Variants in C2orf72 observed in about 807,000 individuals in gnomAD.
C2orf72 encodes the protein uncharacterized protein C2orf72.
In C2orf72, 16 loss-of-function variants were observed where a neutral mutation model predicts 14.4. That is an observed-to-expected ratio of 1.11 (90% confidence interval 0.75 to 1.69). The LOEUF (loss-of-function observed/expected upper bound fraction) is 1.69. Among genes scored for constraint, C2orf72 ranks in the 40% most tolerant of loss-of-function variants. The probability of loss-of-function intolerance (pLI) is 0.00; values close to 1 mark genes in which losing one functional copy is unlikely to be tolerated. For missense variants in C2orf72, 371 were observed against 358.3 expected (o/e 1.04, Z -0.29); for synonymous variants, 168 against 176.8 (o/e 0.95, Z 0.40).
At chr2:231,039,784 C>T (rs1693316782) in intron 1 of C2orf72, among the ~76,000 whole-genome samples, 1 of 151,852 alleles carries the variant, frequency 6.6e-6, no homozygotes, top group East Asian at 1.9e-4. Context: ...TCTTTGTTGC[C>T]CAGGCTGGAG....
chr2:231,043,676 T>C (rs1018530012), intron 2 of C2orf72, among the ~76,000 whole-genome samples: 1 of 152,232 alleles, frequency 6.6e-6, no homozygotes, highest in Admixed American at 6.5e-5. Flanking sequence ...TCATTAACCA[T>C]TTTACATAAA....
intron 2 of C2orf72, among the ~76,000 whole-genome samples, chr2:231,046,673 T>A (rs1013352372): frequency 2.0e-5 from 3 of 152,242 alleles, no homozygotes; most frequent in Non-Finnish European, 2.9e-5. Context: ...GCAGTTCCAC[T>A]AATTATTCCT....
intron 1 of C2orf72, among the ~76,000 whole-genome samples, chr2:231,040,379 A>G (rs1266951368): frequency 6.6e-6 from 1 of 152,224 alleles, no homozygotes; most frequent in Non-Finnish European, 1.5e-5. Flanking sequence ...CCTTTTAAAT[A>G]AACACTAATA....
At chr2:231,046,265 G>A (rs1200152647) in intron 2 of C2orf72, among the ~76,000 whole-genome samples, 1 of 149,484 alleles carries the variant, frequency 6.7e-6, no homozygotes, top group Admixed American at 6.6e-5. Context: ...GATCTTATTC[G>A]GATTTCCCCA....
At chr2:231,039,879 A>T (rs1693317745) in intron 1 of C2orf72, among the ~76,000 whole-genome samples, 1 of 151,946 alleles carries the variant, frequency 6.6e-6, no homozygotes, top group African/African-American at 2.4e-5. Context: ...AGTAGCTAGG[A>T]CTACAGGCGT....
chr2:231,047,182 G>A lies in C2orf72; in HGVS notation c.*161G>A, dbSNP rs781394193. The A allele has an allele frequency of 1.1e-6, 1 of 873,882 alleles. No homozygotes were observed. Among genetic ancestry groups the A allele is most frequent in the South Asian group, 1.4e-5 (1 of 70,104 alleles). 54.1% of individuals were successfully genotyped at this position (873,882 alleles called of 1,614,324 possible). A position where few individuals can be genotyped will look rare whatever the true frequency, so the allele number is the denominator to read the frequency against. ...TAGACAGTGGGGCTTACTAAGACAA[G>A]CAGGACCTAAAACAGTGTCTCCCCT... On this transcript the variant is annotated 3_prime_UTR_variant, in exon 3 of 3. Coordinates refer to ENST00000373640, the MANE Select transcript of C2orf72 (RefSeq NM_001144994.2).
chr2:231,039,589 C>T (rs1030919659), intron 1 of C2orf72, among the ~76,000 whole-genome samples: 10 of 152,128 alleles, frequency 6.6e-5, no homozygotes, highest in East Asian at 1.9e-4. Flanking sequence ...CCTGCCTGGG[C>T]GAGCGCGCCT....
chr2:231,041,261 G>A (rs569023505), intron 1 of C2orf72, 35 bp from the exon 2 acceptor site: 2 of 1,465,088 alleles, frequency 1.4e-6, no homozygotes, highest in African/African-American at 2.8e-5. Context: ...TGGGAACCAT[G>A]TGACCCTCTG....
Position 231,037,613 on chromosome 2 carries a change from C to G in C2orf72, c.48C>G (p.Ala16=), listed in dbSNP as rs914419824. Residue 16 remains alanine (A), a synonymous_variant, in exon 1 of 3, where the codon GCC becomes GCG. Transcript: ENST00000373640. The part of the protein sequence containing the change: ...EALAARLARP[A]EPPFQALVEA... ...TGGCGGCCCGGCTTGCGCGCCCTGCCGAGCCGCCCTTCCAGGCGTTGGTGG... is the reference window on the plus strand; with the variant it reads ...TGGCGGCCCGGCTTGCGCGCCCTGCGGAGCCGCCCTTCCAGGCGTTGGTGG... The G allele has an allele frequency of 1.7e-5, 19 of 1,098,886 alleles. No individual in the cohort carries two copies. Among genetic ancestry groups the G allele is most frequent in the Non-Finnish European group, 2.0e-5 (18 of 900,502 alleles). The allele number at this position is 1,098,886 out of a possible 1,614,324, so 68.1% of individuals were successfully genotyped here.
chr2:231,039,254 C>T (rs187943473), intron 1 of C2orf72, among the ~76,000 whole-genome samples: 1 of 147,292 alleles, frequency 6.8e-6, no homozygotes, highest in Non-Finnish European at 1.5e-5. Context: ...AGCACACTAA[C>T]ATGGCATATG....
chr2:231,041,531 G>T lies in C2orf72; in HGVS notation c.748+122G>T, dbSNP rs1160906707. The T allele has an allele frequency of 1.2e-5, 8 of 693,556 alleles. No individual in the cohort carries two copies. The African/African-American group carries it at 1.3e-4, about 11-fold the overall frequency. The allele number at this position is 693,556 out of a possible 1,614,324, so 43.0% of individuals were successfully genotyped here. On this transcript the variant is annotated intron_variant, in intron 2 of 2. Transcript: ENST00000373640. ...AACATCTATGGAGTGCTTGCCATGTGCCAGGTGTGGGGATGAGCAATGTGA... is the reference window on the plus strand; with the variant it reads ...AACATCTATGGAGTGCTTGCCATGTTCCAGGTGTGGGGATGAGCAATGTGA...
rs1240626112 is a variant in C2orf72, at chr2:231,041,359, G to A, written c.698G>A (p.Trp233Ter). The change falls in exon 2 of 3, where the codon TGG (tryptophan) becomes TAG (stop). Residue 233 changes from tryptophan (W) to a stop codon, truncating the protein, a stop_gained. Coordinates refer to ENST00000373640, the MANE Select transcript of C2orf72 (RefSeq NM_001144994.2). LOFTEE classifies it low-confidence loss of function (END_TRUNC). ...GLLACFSWGP[W>*]SRRKNQDVAA... Reference sequence around the variant, plus strand: ...CTAGCCTGCTTTTCCTGGGGTCCCTGGAGCCGGAGGAAGAACCAGGATGTT... The same window carrying A: ...CTAGCCTGCTTTTCCTGGGGTCCCTAGAGCCGGAGGAAGAACCAGGATGTT... 1.3e-6 allele frequency: 2 copies of A among 1,551,450 alleles called. No individual in the cohort carries two copies. The highest frequency in any genetic ancestry group is 2.0e-5 in the Admixed American group (1 of 50,974).
rs1169873638 is a variant in C2orf72 at position 231,049,647 on chromosome 2, C to T, written c.*2626C>T. ...TAATATGGCAGTGGTTGTGGCACTT[C>T]TGACTTGAATTGATAATTCTCATAT... On this transcript the variant is annotated 3_prime_UTR_variant, in exon 3 of 3. Coordinates refer to ENST00000373640, the MANE Select transcript of C2orf72 (RefSeq NM_001144994.2). The T allele has an allele frequency of 6.6e-6, 1 of 152,216 alleles. No individual in the cohort carries two copies. The highest frequency in any genetic ancestry group is 1.5e-5 in the Non-Finnish European group (1 of 68,050). 9.4% of individuals were successfully genotyped at this position (152,216 alleles called of 1,614,324 possible).
At chr2:231,044,962 T>TATACACACAC (rs985747494) in intron 2 of C2orf72, among the ~76,000 whole-genome samples, 2 of 146,410 alleles carry the variant, frequency 1.4e-5, no homozygotes, top group African/African-American at 5.1e-5. Context: ...TATATATATA[T>TATACACACAC]ACACACACAC....
In C2orf72 at chr2:231,047,246, C is replaced by T; in HGVS notation, c.*225C>T. On this transcript the variant is annotated 3_prime_UTR_variant, in exon 3 of 3. Transcript: ENST00000373640. ...CCACCCAGCATTTGCTAAGTCTGATCACAGGGAGGTTATTTTGTCTCTCTG... is the reference window on the plus strand; with the variant it reads ...CCACCCAGCATTTGCTAAGTCTGATTACAGGGAGGTTATTTTGTCTCTCTG... 1.5e-6 allele frequency: 1 copy of T among 654,778 alleles called. No homozygotes were observed. The highest frequency in any genetic ancestry group is 1.5e-5 in the South Asian group (1 of 64,738). 40.6% of individuals were successfully genotyped at this position (654,778 alleles called of 1,614,324 possible). A position where few individuals can be genotyped will look rare whatever the true frequency, so the allele number is the denominator to read the frequency against.
intron 1 of C2orf72, 102 bp from the exon 2 acceptor site, chr2:231,041,194 G>T: frequency 1.3e-6 from 1 of 790,120 alleles, no homozygotes; most frequent in Non-Finnish European, 2.0e-6. Context: ...TTGAAACTAG[G>T]GCAGTTGACC....
At chr2:231,044,293 C>A (rs1693381539) in intron 2 of C2orf72, among the ~76,000 whole-genome samples, 1 of 152,124 alleles carries the variant, frequency 6.6e-6, no homozygotes, top group Admixed American at 6.5e-5. Context: ...TAAAATATTT[C>A]TTTCTTCAAT....
rs1693275447 is a variant in C2orf72 at position 231,037,828 on chromosome 2, C to A, written c.263C>A (p.Ala88Glu). ...AARGAQRAARAAGAAGAAAAA... is the reference protein window; with the variant it reads ...AARGAQRAAREAGAAGAAAAA... ...CGCGGGGCGCAGAGGGCGGCGAGGG[C>A]GGCTGGGGCGGCGGGGGCGGCGGCG... The change falls in exon 1 of 3, where the codon GCG (alanine) becomes GAG (glutamate). Residue 88 changes from alanine to glutamate, a missense_variant. This residue lies in a region of C2orf72 where 214 missense variants were observed against 178.7 expected (regional missense o/e 1.20). Coordinates refer to ENST00000373640, the MANE Select transcript of C2orf72 (RefSeq NM_001144994.2). 2 of 978,730 alleles carry A rather than the reference C, an allele frequency of 2.0e-6. No homozygotes were observed. Among genetic ancestry groups the A allele is most frequent in the Admixed American group, 1.3e-4 (2 of 15,672 alleles). 60.6% of individuals were successfully genotyped at this position (978,730 alleles called of 1,614,324 possible).
Position 231,047,026 on chromosome 2 carries a change from T to A in C2orf72, c.*5T>A. On this transcript the variant is annotated 3_prime_UTR_variant, in exon 3 of 3. Transcript: ENST00000373640. ...CCCACCGGAGACTCAAGATGAAGGC[T>A]GGACCCTTGCGCTGTCCCTGGCTCT... 1 of 1,551,632 alleles carries A rather than the reference T, an allele frequency of 6.4e-7. No individual in the cohort carries two copies. Among genetic ancestry groups the A allele is most frequent in the Non-Finnish European group, 8.7e-7 (1 of 1,146,982 alleles).
Sources: allele counts gnomAD v4.1 joint callset (sites outside exome capture counted in the v4.1 genomes callset), GRCh38; gene constraint gnomAD v4.1.1; regional missense constraint gnomAD v4.1.1; transcripts MANE v1.5; gene names NCBI Gene and HGNC (gene_info 2026-07-23, HGNC 2026-07-21).